FER: variants seen among roughly 807,000 people sequenced by gnomAD.
FER encodes the protein tyrosine-protein kinase Fer.
FER carries 63 observed loss-of-function variants against 111.0 expected under a neutral mutation model. That is an observed-to-expected ratio of 0.57 (90% CI 0.46 to 0.70). FER has a LOEUF of 0.70. Ranked by LOEUF, FER falls within the 30% of genes least tolerant of loss-of-function variation. The pLI is 0.00. For synonymous variants in FER, 327 were observed against 313.9 expected, an observed-to-expected ratio of 1.04 and a Z score of -0.44; for missense variants, 914 against 954.0, an observed-to-expected ratio of 0.96 and a Z score of 0.55.
intron 1 of FER, among the ~76,000 whole-genome samples, chr5:108,752,776 AT>A: frequency 6.6e-6 from 1 of 152,018 alleles, no homozygotes; most frequent in Admixed American, 6.6e-5. Flanking sequence ...ATTTAATGTC[AT>A]GCATGTTTGG....
At chr5:108,820,120 G>C (rs2150101386) in intron 3 of FER, 1 of 985,236 alleles carries the variant, frequency 1.0e-6, no homozygotes, top group Middle Eastern at 5.2e-4. Context: ...CCTAACTATA[G>C]TTCATTCTTC....
chr5:109,090,302 A>C (rs551859415), intron 16 of FER, among the ~76,000 whole-genome samples: 1 of 152,172 alleles, frequency 6.6e-6, no homozygotes, highest in Non-Finnish European at 1.5e-5. Context: ...ACATCCCCCC[A>C]AAAAGAGTTC....
At chr5:109,146,253 AATATAT>A (rs6149172) in intron 17 of FER, among the ~76,000 whole-genome samples, 4,024 of 41,948 alleles carry the variant, frequency 0.096, 244 homozygotes, top group Middle Eastern at 0.15. Flanking sequence ...TAATCTATCT[AATATAT>A]ATATATATAT....
rs1770553248 is a variant in FER at position 109,037,408 on chromosome 5, ATTC to A, written c.1657-11_1657-9del. The A allele has an allele frequency of 6.2e-7, 1 of 1,609,274 alleles. No homozygotes were observed. The highest frequency in any genetic ancestry group is 1.7e-5 in the Admixed American group (1 of 59,816). Reference sequence around the variant, plus strand: ...TTGCTTGTACTAAACAACTGTTCTTATTCTTTGCTGTAGGACAAGAAATGGATT... The same window carrying A: ...TTGCTTGTACTAAACAACTGTTCTTATTTGCTGTAGGACAAGAAATGGATT... On this transcript the variant is annotated splice_polypyrimidine_tract_variant and intron_variant, in intron 13 of 19. Coordinates refer to ENST00000281092, the MANE Select transcript of FER (RefSeq NM_005246.4).
chr5:108,822,727 T>A (rs139406926), intron 3 of FER, among the ~76,000 whole-genome samples: 6,551 of 134,636 alleles, frequency 0.049, 228 homozygotes, highest in Non-Finnish European at 0.068. Flanking sequence ...TATTTTATTT[T>A]ATTTTATTTT....
intron 3 of FER, among the ~76,000 whole-genome samples, chr5:108,823,580 T>C (rs1759129663): frequency 6.6e-6 from 1 of 152,242 alleles, no homozygotes; most frequent in South Asian, 2.1e-4. Context: ...GTATCTTCTT[T>C]GGAAGAATAT....
At chr5:108,858,162 A>G (rs1048660679) in intron 5 of FER, among the ~76,000 whole-genome samples, 2 of 152,174 alleles carry the variant, frequency 1.3e-5, no homozygotes, top group African/African-American at 4.8e-5. Flanking sequence ...GTTCACATTG[A>G]TACTTCAAAT....
At chr5:109,120,034 CAGA>C (rs1750767474) in intron 17 of FER, among the ~76,000 whole-genome samples, 1 of 152,184 alleles carries the variant, frequency 6.6e-6, no homozygotes, top group East Asian at 1.9e-4. Context: ...AACCCCTTCT[CAGA>C]AGGATAGTTA....
At chr5:109,058,364 A>G (rs904090104) in intron 16 of FER, among the ~76,000 whole-genome samples, 3 of 152,150 alleles carry the variant, frequency 2.0e-5, no homozygotes, top group African/African-American at 7.2e-5. Context: ...TTGGTGCAAT[A>G]AAGAAGAAAA....
At position 109,027,131 on chromosome 5, in the gene FER, T is replaced by C. The variant is rs952326910; in HGVS notation, c.1657-10291T>C. Among the ~76,000 whole-genome samples the C allele has an allele frequency of 8.5e-5, 13 of 152,146 alleles. 1 individual carries two copies. The highest frequency in any genetic ancestry group is 2.9e-4 in the African/African-American group (12 of 41,428). On this transcript the variant is annotated intron_variant, in intron 13 of 19. Transcript: ENST00000281092. Reference sequence around the variant, plus strand: ...AATTCTGATTTAAATTTTGCCTTTTTTCTTTCTTTCTTTCAAACTATTACA... The same window carrying C: ...AATTCTGATTTAAATTTTGCCTTTTCTCTTTCTTTCTTTCAAACTATTACA...
chr5:108,895,298 G>T (rs1228291348), intron 9 of FER, among the ~76,000 whole-genome samples: 1 of 152,022 alleles, frequency 6.6e-6, no homozygotes, highest in Non-Finnish European at 1.5e-5. Context: ...GTCTATCAGG[G>T]TTTGTATTAC....
At chr5:108,781,919 GT>G (rs147939937) in intron 2 of FER, among the ~76,000 whole-genome samples, 19,123 of 146,896 alleles carry the variant, frequency 0.13, 1,886 homozygotes, top group African/African-American at 0.29. Context: ...AAGTAATAGG[GT>G]TTTTTTTTTT....
intron 3 of FER, among the ~76,000 whole-genome samples, chr5:108,806,764 T>G (rs928099684): frequency 6.6e-6 from 1 of 152,196 alleles, no homozygotes; most frequent in Non-Finnish European, 1.5e-5. Flanking sequence ...ATACCTGTAC[T>G]CCCATTGTAT....
At chr5:109,089,814 C>T (rs1416640590) in intron 16 of FER, among the ~76,000 whole-genome samples, 1 of 152,132 alleles carries the variant, frequency 6.6e-6, no homozygotes, top group Non-Finnish European at 1.5e-5. Context: ...GAGATCTCCC[C>T]AGAGAACTGG....
intron 13 of FER, chr5:109,014,875 G>A (rs34412145): frequency 0.11 from 16,868 of 152,154 alleles, 1,034 homozygotes; most frequent in Non-Finnish European, 0.14. Context: ...TCATCCTTGC[G>A]CAGGGGCCAT....
chr5:108,952,774 T>A (rs992479583), intron 11 of FER, among the ~76,000 whole-genome samples: 1 of 152,144 alleles, frequency 6.6e-6, no homozygotes, highest in African/African-American at 2.4e-5. Context: ...GCTTTTGTAC[T>A]TTTTTCCACC....
At chr5:108,973,098 G>A (rs1760883240) in intron 13 of FER, among the ~76,000 whole-genome samples, 1 of 152,070 alleles carries the variant, frequency 6.6e-6, no homozygotes, top group African/African-American at 2.4e-5. Flanking sequence ...TATTAAAGTG[G>A]TGACACAATC....
intron 10 of FER, among the ~76,000 whole-genome samples, chr5:108,933,267 T>G (rs577343121): frequency 3.3e-5 from 5 of 152,332 alleles, no homozygotes; most frequent in Middle Eastern, 3.4e-3. Flanking sequence ...AGTTAATTTT[T>G]TAATAAGGTG....
chr5:109,077,854 C>A (rs1029578522), intron 16 of FER, among the ~76,000 whole-genome samples: 1 of 151,946 alleles, frequency 6.6e-6, no homozygotes, highest in Non-Finnish European at 1.5e-5. Context: ...ACTTTCAAAC[C>A]CATATAATTA....
Sources: allele counts gnomAD v4.1 joint callset (sites outside exome capture counted in the v4.1 genomes callset), GRCh38; gene constraint gnomAD v4.1.1; transcripts MANE v1.5; gene names NCBI Gene and HGNC (gene_info 2026-07-23, HGNC 2026-07-21).